MRPL51: variants seen among roughly 807,000 people sequenced by gnomAD.
The protein encoded by MRPL51 is mitochondrial ribosomal protein L51.
Under a neutral mutation model 15.0 loss-of-function variants are expected in MRPL51, and 6 were observed. The ratio of observed to expected loss-of-function variants is 0.40; its 90% CI spans 0.22 to 0.79. The LOEUF (loss-of-function observed/expected upper bound fraction) is 0.79, where lower values mean the gene tolerates loss of function less well. Among genes scored for constraint, MRPL51 ranks in the 30% least tolerant of loss-of-function variants. MRPL51 has a pLI of 0.36. For missense variants in MRPL51, 155 were observed against 166.4 expected (o/e 0.93, Z 0.38); for synonymous variants, 65 against 58.3 (o/e 1.11, Z -0.52).
At position 6,492,219 on chromosome 12, in the gene MRPL51, C is replaced by T; in HGVS notation, c.*52G>A. 3 of 1,500,228 alleles carry T rather than the reference C, an allele frequency of 2.0e-6. No individual in the cohort carries two copies. In the South Asian group the frequency reaches 4.0e-5, roughly 20 times the overall value. The allele number at this position is 1,500,228 out of a possible 1,614,324, so 92.9% of individuals were successfully genotyped here. ...TTCCTCACAGGGAAAAGTACAGTTT[C>T]CCTTCTCCAGGGTGACAGATGAGCC... is the stretch of plus-strand genomic sequence containing the variant. On this transcript the variant is annotated 3_prime_UTR_variant, in exon 3 of 3. Transcript: ENST00000229238.
rs370382524 is a variant in MRPL51, at chr12:6,492,390, G to A, written c.268C>T (p.Arg90Cys). The change falls in exon 3 of 3, where the codon CGT (arginine) becomes TGT (cysteine). Residue 90 changes from arginine to cysteine, a missense_variant. Arg to Cys is a radical substitution (Grantham distance 180, BLOSUM62 -3). Coordinates refer to ENST00000229238, the MANE Select transcript of MRPL51 (RefSeq NM_016497.4). ...LRGWKGNELQRCIRKRKMVGS... is the reference protein window; with the variant it reads ...LRGWKGNELQCCIRKRKMVGS... The stretch of plus-strand genomic sequence containing the variant: ...ACCATTTTCCTCTTTCGGATACAAC[G>A]TTGCAATTCATTCCCTTTCCAACCT... 4 of 1,614,128 alleles carry A rather than the reference G, an allele frequency of 2.5e-6. No homozygotes were observed. The highest frequency in any genetic ancestry group is 2.7e-5 in the African/African-American group (2 of 75,032).
intron 2 of MRPL51, 49 bp from the exon 3 acceptor site, chr12:6,492,516 C>T: frequency 6.5e-7 from 1 of 1,531,862 alleles, no homozygotes; most frequent in South Asian, 1.3e-5. Flanking sequence ...AGAACTCATC[C>T]TACACCAGCT....
Position 6,492,267 on chromosome 12 carries a change from T to C in MRPL51, c.*4A>G. ...GCCTTTTCCGAAGTTCTCAGCTTTC[T>C]CTTCTATCGAAACTTCCCATGTCGG... is the stretch of plus-strand genomic sequence containing the variant. On this transcript the variant is annotated 3_prime_UTR_variant, in exon 3 of 3. Transcript: ENST00000229238. The C allele has an allele frequency of 1.3e-6, 2 of 1,589,448 alleles. No homozygotes were observed. Among genetic ancestry groups the C allele is most frequent in the Non-Finnish European group, 1.7e-6 (2 of 1,169,246 alleles).
At position 6,493,241 on chromosome 12, in the gene MRPL51, T is replaced by G; in HGVS notation, c.-105A>C. On this transcript the variant is annotated 5_prime_UTR_variant, in exon 1 of 3. Coordinates refer to ENST00000229238, the MANE Select transcript of MRPL51 (RefSeq NM_016497.4). ...AGTACTAAGGCGAAGACAGCCATCTTGGGCCTTACCCAGGCAGCTGTGGGC... is the reference window on the plus strand; with the variant it reads ...AGTACTAAGGCGAAGACAGCCATCTGGGGCCTTACCCAGGCAGCTGTGGGC... 7.9e-7 allele frequency: 1 copy of G among 1,269,968 alleles called. No homozygotes were observed. The highest frequency in any genetic ancestry group is 2.5e-5 in the East Asian group (1 of 40,404). The allele number at this position is 1,269,968 out of a possible 1,614,324, so 78.7% of individuals were successfully genotyped here.
chr12:6,492,993 G>T lies in MRPL51; in HGVS notation c.80-21C>A, dbSNP rs1945937205. ...CACACCTGGGGATGGGGAAGGGAGGGAATTAATCTGAGCCGCCTATTATAC... is the reference window on the plus strand; with the variant it reads ...CACACCTGGGGATGGGGAAGGGAGGTAATTAATCTGAGCCGCCTATTATAC... On this transcript the variant is annotated intron_variant, in intron 1 of 2. Coordinates refer to ENST00000229238, the MANE Select transcript of MRPL51 (RefSeq NM_016497.4). The T allele has an allele frequency of 1.9e-6, 3 of 1,613,290 alleles. No homozygotes were observed. In the South Asian group the frequency reaches 3.3e-5, roughly 18 times the overall value.
Position 6,492,899 on chromosome 12 carries a change from CCTTTT to C in MRPL51, c.148_152del (p.Lys50GlyfsTer7). On this transcript the variant is annotated frameshift_variant, in exon 2 of 3. Coordinates refer to ENST00000229238, the MANE Select transcript of MRPL51 (RefSeq NM_016497.4). LOFTEE classifies it high-confidence loss of function. ...TGTTGTCATACACTCCGAACATGGC[CCTTTT>C]CTCGTTCCAACGATCAACCACTTTG... 1 of 1,613,924 alleles carries C rather than the reference CCTTTT, an allele frequency of 6.2e-7. No homozygotes were observed. The highest frequency in any genetic ancestry group is 8.5e-7 in the Non-Finnish European group (1 of 1,179,920).
In MRPL51 at chr12:6,493,153, C is replaced by G. The variant is rs568315930; in HGVS notation, c.-17G>C. 1 of 1,611,870 alleles carries G rather than the reference C, an allele frequency of 6.2e-7. No individual in the cohort carries two copies. The highest frequency in any genetic ancestry group is 8.5e-7 in the Non-Finnish European group (1 of 1,179,776). Reference sequence around the variant, plus strand: ...CCCTGCCATTTCTCTAGTCTCCCCCCTTCAACAGCACACCAAATAAGCCCA... The same window carrying G: ...CCCTGCCATTTCTCTAGTCTCCCCCGTTCAACAGCACACCAAATAAGCCCA... On this transcript the variant is annotated 5_prime_UTR_variant, in exon 1 of 3. Coordinates refer to ENST00000229238, the MANE Select transcript of MRPL51 (RefSeq NM_016497.4).
Position 6,492,321 on chromosome 12 carries a change from G to C in MRPL51, c.337C>G (p.Arg113Gly). 6.2e-7 allele frequency: 1 copy of C among 1,613,466 alleles called. No homozygotes were observed. The highest frequency in any genetic ancestry group is 1.7e-5 in the Admixed American group (1 of 59,764). Residue 113 changes from arginine to glycine, a missense_variant, in exon 3 of 3, where the codon CGC becomes GGC. By Grantham distance (125) the Arg-to-Gly change is moderately radical. Transcript: ENST00000229238. ...FADDLHNLNKRIRYLYKHFNR... is the reference protein window; with the variant it reads ...FADDLHNLNKGIRYLYKHFNR... ...AAGTGTTTGTAGAGATAGCGGATGC[G>C]TTTATTAAGGTTGTGCAGGTCATCA...
rs1255858460 is a variant in MRPL51, at chr12:6,493,150, C to T, written c.-14G>A. On this transcript the variant is annotated 5_prime_UTR_variant, in exon 1 of 3. Coordinates refer to ENST00000229238, the MANE Select transcript of MRPL51 (RefSeq NM_016497.4). The stretch of plus-strand genomic sequence containing the variant: ...GTTCCCTGCCATTTCTCTAGTCTCC[C>T]CCCTTCAACAGCACACCAAATAAGC... 6.2e-7 allele frequency: 1 copy of T among 1,611,962 alleles called. No homozygotes were observed. The highest frequency in any genetic ancestry group is 2.2e-5 in the East Asian group (1 of 44,886).
At position 6,492,009 on chromosome 12, in the gene MRPL51, A is replaced by C. The variant is rs1048402; in HGVS notation, c.*262T>G. 115,006 of 359,098 alleles carry C rather than the reference A, an allele frequency of 0.32. 20,123 individuals are homozygous for C. The highest frequency in any genetic ancestry group is 0.52 in the African/African-American group (24,662 of 47,528). The allele number at this position is 359,098 out of a possible 1,614,324, so 22.2% of individuals were successfully genotyped here. On this transcript the variant is annotated 3_prime_UTR_variant, in exon 3 of 3. Transcript: ENST00000229238. Reference sequence around the variant, plus strand: ...TCTCACCAACTTTTCTTTTTAAAGGAATTAGGTATAGCTAGACTGTAAAAG... The same window carrying C: ...TCTCACCAACTTTTCTTTTTAAAGGCATTAGGTATAGCTAGACTGTAAAAG...
At chr12:6,492,748 G>A (rs1945934135) in intron 2 of MRPL51, 114 bp downstream of exon 2, 1 of 1,050,870 alleles carries the variant, frequency 9.5e-7, no homozygotes, top group East Asian at 2.4e-5. Flanking sequence ...AGCTACATAA[G>A]TGTTTGCTCT....
At chr12:6,492,568 T>A in intron 2 of MRPL51, 101 bp from the exon 3 acceptor site, 1 of 1,230,168 alleles carries the variant, frequency 8.1e-7, no homozygotes, top group Non-Finnish European at 1.1e-6. Flanking sequence ...GCAGCACCTA[T>A]AGACAAGGAA....
rs1189492082 is a variant in MRPL51 at position 6,492,983 on chromosome 12, G to A, written c.80-11C>T. ...TCAATCTAGGCACACCTGGGGATGG[G>A]GAAGGGAGGGAATTAATCTGAGCCG... On this transcript the variant is annotated splice_polypyrimidine_tract_variant and intron_variant, in intron 1 of 2. Transcript: ENST00000229238. 2 of 1,613,502 alleles carry A rather than the reference G, an allele frequency of 1.2e-6. No individual in the cohort carries two copies.
rs750678329 is a variant in MRPL51, at chr12:6,493,065, G to C, written c.72C>G (p.Phe24Leu). ...WDWVPLACRS[F>L]SLGVPRLIGI... ...CCTACATCAGCCACTTACCAAGAGA[G>C]AAGCTTCTGCACGCCAGAGGCACCC... Residue 24 changes from phenylalanine to leucine, a missense_variant, in exon 1 of 3, where the codon TTC (phenylalanine) becomes TTG (leucine). By Grantham distance (22) the Phe-to-Leu change is conservative. Coordinates refer to ENST00000229238, the MANE Select transcript of MRPL51 (RefSeq NM_016497.4). The C allele has an allele frequency of 4.9e-5, 79 of 1,613,580 alleles. No homozygotes were observed. The South Asian group carries it at 8.2e-4, about 17-fold the overall frequency.
Position 6,493,220 on chromosome 12 carries a change from C to T in MRPL51, c.-84G>A. 1.4e-6 allele frequency: 2 copies of T among 1,476,438 alleles called. No homozygotes were observed. The highest frequency in any genetic ancestry group is 1.9e-6 in the Non-Finnish European group (2 of 1,072,780). The allele number at this position is 1,476,438 out of a possible 1,614,324, so 91.5% of individuals were successfully genotyped here. On this transcript the variant is annotated 5_prime_UTR_variant, in exon 1 of 3. Transcript: ENST00000229238. Reference sequence around the variant, plus strand: ...CGTCCCCGCCAACTTCACACGAGTACTAAGGCGAAGACAGCCATCTTGGGC... The same window carrying T: ...CGTCCCCGCCAACTTCACACGAGTATTAAGGCGAAGACAGCCATCTTGGGC...
At chr12:6,492,614 C>T in intron 2 of MRPL51, 147 bp from the exon 3 acceptor site, 1 of 917,870 alleles carries the variant, frequency 1.1e-6, no homozygotes, top group Non-Finnish European at 1.7e-6. Flanking sequence ...GACTCTGGAG[C>T]CAGACTGCTT....
At position 6,493,110 on chromosome 12, in the gene MRPL51, T is replaced by C. The variant is rs1945938340; in HGVS notation, c.27A>G (p.Ala9=). ...GCACCCAGTCCCACAGGCGCCTACC[T>C]GCCCCGGATAAGAGGTTCCCTGCCA... MAGNLLSG[A]GRRLWDWVPL... The change falls in exon 1 of 3, where the codon GCA becomes GCG. Residue 9 remains alanine, a synonymous_variant. Transcript: ENST00000229238. 1 of 1,612,662 alleles carries C rather than the reference T, an allele frequency of 6.2e-7. No individual in the cohort carries two copies. Among genetic ancestry groups the C allele is most frequent in the African/African-American group, 1.3e-5 (1 of 74,996 alleles).
At chr12:6,492,649 T>C (rs1285523395) in intron 2 of MRPL51, among the ~76,000 whole-genome samples, 182 bp from the exon 3 acceptor site, 3 of 152,178 alleles carry the variant, frequency 2.0e-5, no homozygotes, top group Admixed American at 6.5e-5. Context: ...GATGCTGCCA[T>C]TTATTAACTT....
Position 6,492,187 on chromosome 12 carries a change from A to C in MRPL51, c.*84T>G. On this transcript the variant is annotated 3_prime_UTR_variant, in exon 3 of 3. Coordinates refer to ENST00000229238, the MANE Select transcript of MRPL51 (RefSeq NM_016497.4). ...CCCATTTTATTACAGAGAAAATACA[A>C]AGCCGTTTCCTCACAGGGAAAAGTA... is the stretch of plus-strand genomic sequence containing the variant. 1 of 1,387,866 alleles carries C rather than the reference A, an allele frequency of 7.2e-7. No individual in the cohort carries two copies. The highest frequency in any genetic ancestry group is 1.4e-5 in the South Asian group (1 of 69,466). 86.0% of individuals were successfully genotyped at this position (1,387,866 alleles called of 1,614,324 possible). A position where few individuals can be genotyped will look rare whatever the true frequency, so the allele number is the denominator to read the frequency against.
Sources: gnomAD v4.1 joint callset for allele counts (sites outside exome capture counted in the v4.1 genomes callset) on GRCh38, gnomAD v4.1.1 for gene constraint, MANE v1.5 for transcripts, NCBI Gene and HGNC (gene_info 2026-07-23, HGNC 2026-07-21) for gene names.